Variants in SP110 observed in about 807,000 individuals in gnomAD.
SP110 encodes interferon-induced protein 41, 30kD.
A neutral mutation model predicts 92.7 loss-of-function variants in SP110; 62 were observed. The ratio of observed to expected loss-of-function variants is 0.67; its 90% CI spans 0.55 to 0.83. The LOEUF is 0.83. Ranked by LOEUF, SP110 falls within the 40% of genes least tolerant of loss-of-function variation. SP110 has a pLI of 0.00. For missense variants in SP110, 793 were observed against 863.9 expected (o/e 0.92, Z 1.03); for synonymous variants, 273 against 305.3 (o/e 0.89, Z 1.10).
chr2:230,170,512 T>G, intron 18 of SP110, 109 bp downstream of exon 18: 67 of 1,322,642 alleles, frequency 5.1e-5, no homozygotes, highest in Non-Finnish European at 5.9e-5. Flanking sequence ...TTGTCTTGTT[T>G]GAGCTCTCCC....
intron 17 of SP110, chr2:230,170,963 T>G: frequency 1.6e-6 from 1 of 625,816 alleles, no homozygotes; most frequent in Non-Finnish European, 2.9e-6. Flanking sequence ...CATTTATGGG[T>G]ACCATAAATA....
intron 10 of SP110, among the ~76,000 whole-genome samples, chr2:230,195,523 T>C (rs538472344): frequency 6.6e-6 from 1 of 152,086 alleles, no homozygotes; most frequent in Admixed American, 6.5e-5. Context: ...AGAGACGGGG[T>C]TTCACCATGT....
chr2:230,205,673 T>A (rs1254451080), intron 8 of SP110, among the ~76,000 whole-genome samples: 1 of 152,194 alleles, frequency 6.6e-6, no homozygotes, highest in Non-Finnish European at 1.5e-5. Context: ...TTGGAATAAA[T>A]GTCTGAATGG....
chr2:230,196,523 A>T (rs974290538), intron 10 of SP110, among the ~76,000 whole-genome samples: 14 of 146,496 alleles, frequency 9.6e-5, no homozygotes, highest in African/African-American at 3.4e-4. Flanking sequence ...TAACTTTATG[A>T]TTTATAATTT....
chr2:230,186,737 A>G (rs535083235), intron 10 of SP110, among the ~76,000 whole-genome samples: 133 of 152,316 alleles, frequency 8.7e-4, no homozygotes, highest in African/African-American at 2.6e-3. Context: ...GCTCCCACCT[A>G]TAAGTGAGAA....
rs192342897 is a variant in SP110, at chr2:230,174,402, C to T, written c.1591-1443G>A. ...CCACTTTGAATGGGGCCCCTTCTAA[C>T]AAAAGGTTCTAGAATCTGTCAAATT... is the stretch of plus-strand genomic sequence containing the variant. On this transcript the variant is annotated intron_variant, in intron 14 of 18. Coordinates refer to ENST00000258381, the MANE Select transcript of SP110 (RefSeq NM_080424.4). 1.5e-4 allele frequency among the ~76,000 whole-genome samples: 23 copies of T among 152,340 alleles called. No homozygotes were observed. In the East Asian group the frequency reaches 3.5e-3, roughly 23 times the overall value.
intron 13 of SP110, 37 bp from the exon 14 acceptor site, chr2:230,177,717 C>G (rs1427677966): frequency 3.1e-6 from 5 of 1,610,728 alleles, no homozygotes; most frequent in Non-Finnish European, 4.2e-6. Flanking sequence ...CTACCCCCAT[C>G]CTCTGTGAAT....
At chr2:230,223,090 G>A (rs1018933715), upstream of SP110, among the ~76,000 whole-genome samples, 1 of 150,118 alleles carries the variant, frequency 6.7e-6, no homozygotes, top group Non-Finnish European at 1.5e-5. Context: ...AGGCTAGAGT[G>A]CTGTGGCGCA....
At chr2:230,224,430 G>GGAGGGAGAGGGAGGGAGAGA (rs1191965342), upstream of SP110, among the ~76,000 whole-genome samples, 723 of 138,398 alleles carry the variant, frequency 5.2e-3, 16 homozygotes, top group African/African-American at 0.02. Context: ...TTTTAAAGAG[G>GGAGGGAGAGGGAGGGAGAGA]GAGGGAGAGG....
rs558653883 is a variant in SP110, at chr2:230,201,156, A to G, written c.1049-191T>C. ...GTGCCTGTCTGCCACTCAGGGGAGG[A>G]GCAGACCGCAGTTGGTTAGCAGTGG... On this transcript the variant is annotated intron_variant, in intron 9 of 18. Transcript: ENST00000258381. Among the ~76,000 whole-genome samples, 80 of 152,232 alleles carry G rather than the reference A, an allele frequency of 5.3e-4. 1 individual carries two copies. The highest frequency in any genetic ancestry group is 9.3e-4 in the Non-Finnish European group (63 of 68,004).
At chr2:230,200,665 T>TATAC (rs1389539848) in intron 10 of SP110, 2 of 589,392 alleles carry the variant, frequency 3.4e-6, no homozygotes, top group African/African-American at 1.9e-5. Context: ...ATAGTGCAGA[T>TATAC]ATACATACAT....
intron 12 of SP110, among the ~76,000 whole-genome samples, chr2:230,178,972 G>GC (rs1246879322): frequency 1.3e-5 from 2 of 152,188 alleles, no homozygotes; most frequent in African/African-American, 2.4e-5. Context: ...GACAGCAGGG[G>GC]CTGTTTCTCT....
At chr2:230,178,346 G>A in intron 12 of SP110, 91 bp from the exon 13 acceptor site, 2 of 764,964 alleles carry the variant, frequency 2.6e-6, no homozygotes, top group Non-Finnish European at 4.5e-6. Flanking sequence ...ATAATGTACA[G>A]GGTATTGGGG....
At chr2:230,194,851 C>G (rs1296646138) in intron 10 of SP110, among the ~76,000 whole-genome samples, 1 of 152,160 alleles carries the variant, frequency 6.6e-6, no homozygotes, top group African/African-American at 2.4e-5. Flanking sequence ...GAAAAGAAGA[C>G]TAGGTATAAA....
In SP110 at chr2:230,172,922, C is replaced by G. The variant is rs1337462438; in HGVS notation, c.1628G>C (p.Gly543Ala). The change falls in exon 15 of 19, where the codon GGG (glycine) becomes GCG (alanine). Residue 543 changes from glycine to alanine, a missense_variant. Gly to Ala is a moderately conservative substitution (Grantham distance 60). Transcript: ENST00000258381. Reference sequence around the variant, plus strand: ...AGTACCGCAGCAGAGAAGTTGTCCCCCTTGACAGCACACCTCGCATTCATC... The same window carrying G: ...AGTACCGCAGCAGAGAAGTTGTCCCGCTTGACAGCACACCTCGCATTCATC... ...NSDECEVCCQ[G>A]GQLLCCGTCP... 1 of 1,614,150 alleles carries G rather than the reference C, an allele frequency of 6.2e-7. No individual in the cohort carries two copies. Among genetic ancestry groups the G allele is most frequent in the East Asian group, 2.2e-5 (1 of 44,878 alleles).
intron 14 of SP110, 74 bp from the exon 15 acceptor site, chr2:230,173,033 A>C: frequency 2.0e-6 from 2 of 1,009,722 alleles, no homozygotes; most frequent in South Asian, 2.6e-5. Context: ...GGGTTCTAGA[A>C]CACATCATTT....
At chr2:230,182,564 G>A (rs910152115) in intron 12 of SP110, among the ~76,000 whole-genome samples, 2 of 152,144 alleles carry the variant, frequency 1.3e-5, no homozygotes, top group Admixed American at 6.5e-5. Context: ...GGAGGCCCAT[G>A]TGAGGAGGCC....
intron 12 of SP110, among the ~76,000 whole-genome samples, chr2:230,179,254 TC>T (rs1447678690): frequency 6.6e-6 from 1 of 151,744 alleles, no homozygotes; most frequent in Non-Finnish European, 1.5e-5. Context: ...GAGGATGTGA[TC>T]CCCCCGACAG....
intron 12 of SP110, among the ~76,000 whole-genome samples, 200 bp from the exon 13 acceptor site, chr2:230,178,455 C>G (rs1177618906): frequency 1.0e-5 from 1 of 96,682 alleles, no homozygotes. Context: ...GCCACCAACA[C>G]TATATCAAAA....
Sources: gnomAD v4.1 joint callset for allele counts (sites outside exome capture counted in the v4.1 genomes callset) on GRCh38, gnomAD v4.1.1 for gene constraint, MANE v1.5 for transcripts, NCBI Gene and HGNC (gene_info 2026-07-23, HGNC 2026-07-21) for gene names.